SCGN: variants seen among roughly 807,000 people sequenced by gnomAD.
The protein encoded by SCGN is secretagogin.
Under a neutral mutation model 39.7 loss-of-function variants are expected in SCGN, and 30 were observed. That is an observed-to-expected ratio of 0.76 (90% CI 0.57 to 1.03). SCGN has a LOEUF of 1.03. Among genes scored for constraint, SCGN ranks in the 50% least tolerant of loss-of-function variants. The pLI, the probability that SCGN is intolerant of heterozygous loss-of-function variation, is 0.00. For synonymous variants in SCGN, 106 were observed against 114.1 expected (o/e 0.93, Z 0.45); for missense variants, 353 against 349.4 (o/e 1.01, Z -0.08).
intron 2 of SCGN, among the ~76,000 whole-genome samples, chr6:25,656,835 A>G (rs1321728752): frequency 6.6e-6 from 1 of 152,206 alleles, no homozygotes. Flanking sequence ...TTGACTTCAC[A>G]TTTATTTACT....
intron 2 of SCGN, among the ~76,000 whole-genome samples, chr6:25,653,805 G>A (rs539998808): frequency 6.6e-6 from 1 of 152,190 alleles, no homozygotes; most frequent in African/African-American, 2.4e-5. Flanking sequence ...AGCTGGAAAA[G>A]ATGTTAAGCA....
intron 6 of SCGN, among the ~76,000 whole-genome samples, chr6:25,678,386 T>C (rs959760658): frequency 6.6e-6 from 1 of 152,214 alleles, no homozygotes; most frequent in Non-Finnish European, 1.5e-5. Flanking sequence ...TTCTTTTTTT[T>C]AAATTCAATA....
intron 6 of SCGN, among the ~76,000 whole-genome samples, chr6:25,671,119 T>C (rs1028325526): frequency 1.2e-4 from 19 of 152,248 alleles, no homozygotes; most frequent in Admixed American, 1.2e-3. Flanking sequence ...TGTTAAAATG[T>C]GTACCACCAG....
chr6:25,693,369 G>A (rs1166751298), intron 10 of SCGN, among the ~76,000 whole-genome samples: 2 of 146,402 alleles, frequency 1.4e-5, no homozygotes, highest in Non-Finnish European at 3.0e-5. Context: ...GGAGAATGGT[G>A]TGAACCTGGG....
rs1480085721 is a variant in SCGN at position 25,701,236 on chromosome 6, G to A, written c.732G>A (p.Lys244=). 3 of 1,613,138 alleles carry A rather than the reference G, an allele frequency of 1.9e-6. No individual in the cohort carries two copies. The highest frequency in any genetic ancestry group is 2.5e-6 in the Non-Finnish European group (3 of 1,179,712). The part of the protein sequence containing the change: ...QPSISGVDLD[K]FREILLRHCD... The stretch of plus-strand genomic sequence containing the variant: ...GCATCAGCGGGGTGGACCTTGATAA[G>A]TTCCGCGAGATTCTCCTGCGTCACT... The change falls in exon 11 of 11, where the codon AAG becomes AAA. Residue 244 remains lysine, a synonymous_variant. Coordinates refer to ENST00000377961, the MANE Select transcript of SCGN (RefSeq NM_006998.4).
intron 1 of SCGN, 117 bp from the exon 2 acceptor site, chr6:25,653,264 AC>A: frequency 5.6e-6 from 4 of 716,154 alleles, no homozygotes; most frequent in Non-Finnish European, 9.2e-6. Flanking sequence ...TATTGGAATA[AC>A]AAAAAATAGT....
intron 4 of SCGN, 75 bp downstream of exon 4, chr6:25,665,107 G>A (rs1467449803): frequency 3.6e-6 from 4 of 1,117,190 alleles, no homozygotes; most frequent in Non-Finnish European, 5.4e-6. Context: ...TGCTGTGGCT[G>A]CCACCACTCC....
chr6:25,680,654 G>A (rs994482018), intron 6 of SCGN, among the ~76,000 whole-genome samples: 28 of 152,156 alleles, frequency 1.8e-4, no homozygotes, highest in Admixed American at 2.0e-4. Context: ...CATAATGAAG[G>A]TGTCACAGAA....
intron 7 of SCGN, among the ~76,000 whole-genome samples, 160 bp downstream of exon 7, chr6:25,682,166 G>A (rs1759645060): frequency 6.6e-6 from 1 of 152,120 alleles, no homozygotes; most frequent in Admixed American, 6.6e-5. Context: ...ATCTTTTAGG[G>A]TAACAGATCC....
intron 6 of SCGN, among the ~76,000 whole-genome samples, chr6:25,678,548 A>G (rs1378543527): frequency 6.6e-6 from 1 of 152,148 alleles, no homozygotes; most frequent in Non-Finnish European, 1.5e-5. Flanking sequence ...TGTGCAAGTC[A>G]CCACACCTCT....
chr6:25,685,911 C>T (rs1561768632), intron 7 of SCGN, among the ~76,000 whole-genome samples: 1 of 152,144 alleles, frequency 6.6e-6, no homozygotes, highest in Non-Finnish European at 1.5e-5. Flanking sequence ...TCTTCCTCCT[C>T]CCACAAGGCC....
chr6:25,700,180 A>G (rs9467571), intron 10 of SCGN, among the ~76,000 whole-genome samples: 88,032 of 145,442 alleles, frequency 0.61, 26,727 homozygotes, highest in African/African-American at 0.69. Flanking sequence ...GGGAGACGGT[A>G]GTTGCAGTGA....
At chr6:25,654,850 G>A (rs1052165517) in intron 2 of SCGN, among the ~76,000 whole-genome samples, 1 of 152,136 alleles carries the variant, frequency 6.6e-6, no homozygotes, top group Non-Finnish European at 1.5e-5. Context: ...GAAAGGATCA[G>A]CAGACGAGAA....
chr6:25,674,804 C>T (rs1759544347), intron 6 of SCGN, among the ~76,000 whole-genome samples: 1 of 152,078 alleles, frequency 6.6e-6, no homozygotes, highest in African/African-American at 2.4e-5. Flanking sequence ...AAGGAGACAG[C>T]CTATTATTAA....
At chr6:25,692,460 C>T (rs1012855777) in intron 10 of SCGN, among the ~76,000 whole-genome samples, 1 of 150,474 alleles carries the variant, frequency 6.6e-6, no homozygotes, top group Non-Finnish European at 1.5e-5. Context: ...TACCCCACCA[C>T]CCCCCAGAGA....
chr6:25,693,451 CA>C (rs11376402), intron 10 of SCGN, among the ~76,000 whole-genome samples: 2,752 of 48,254 alleles, frequency 0.057, 14 homozygotes, highest in African/African-American at 0.17. Flanking sequence ...GACTCCGTCT[CA>C]AAAAAAAAAA....
At chr6:25,661,419 T>C in intron 2 of SCGN, 133 bp from the exon 3 acceptor site, 1 of 620,300 alleles carries the variant, frequency 1.6e-6, no homozygotes, top group East Asian at 2.9e-5. Context: ...AAAATCACTT[T>C]AAATGGTCAA....
chr6:25,669,220 T>C (rs1759454809), intron 4 of SCGN, among the ~76,000 whole-genome samples: 1 of 152,190 alleles, frequency 6.6e-6, no homozygotes, highest in Non-Finnish European at 1.5e-5. Context: ...CATCCCTTTT[T>C]ATATTTCCAT....
intron 10 of SCGN, among the ~76,000 whole-genome samples, chr6:25,696,462 T>C (rs1251566437): frequency 6.6e-6 from 1 of 152,188 alleles, no homozygotes; most frequent in Non-Finnish European, 1.5e-5. Flanking sequence ...ATATTTCACC[T>C]GTGGTTAGAT....
Sources: gnomAD v4.1 joint callset for allele counts (sites outside exome capture counted in the v4.1 genomes callset) on GRCh38, gnomAD v4.1.1 for gene constraint, MANE v1.5 for transcripts, NCBI Gene and HGNC (gene_info 2026-07-23, HGNC 2026-07-21) for gene names.